The following GRM1 variants were observed in gnomAD, a reference collection of about 807,000 sequenced individuals.
The protein encoded by GRM1 is metabotropic glutamate receptor 1.
A neutral mutation model predicts 90.9 loss-of-function variants in GRM1; 33 were observed. The ratio of observed to expected loss-of-function variants is 0.36; its 90% CI spans 0.28 to 0.49. The LOEUF (loss-of-function observed/expected upper bound fraction) is 0.49, where lower values mean the gene tolerates loss of function less well. GRM1 is among the 20% of genes least tolerant of loss of function. The probability of loss-of-function intolerance (pLI) is 0.99; values close to 1 mark genes in which losing one functional copy is unlikely to be tolerated. For missense variants in GRM1, 1,190 were observed against 1,534.3 expected (o/e 0.78, Z 3.75); for synonymous variants, 700 against 613.2 (o/e 1.14, Z -2.09).
intron 2 of GRM1, among the ~76,000 whole-genome samples, chr6:146,208,257 T>A (rs2114637196): frequency 6.6e-6 from 1 of 152,332 alleles, no homozygotes; most frequent in African/African-American, 2.4e-5. Flanking sequence ...AGAAGGCTAA[T>A]GGCATAACAT....
intron 5 of GRM1, among the ~76,000 whole-genome samples, chr6:146,360,370 G>A (rs1214783259): frequency 6.6e-5 from 10 of 151,866 alleles, no homozygotes; most frequent in African/African-American, 2.4e-4. Context: ...AAAAATTTTT[G>A]TCATACCACA....
intron 3 of GRM1, among the ~76,000 whole-genome samples, chr6:146,315,116 C>T (rs1783921961): frequency 6.6e-6 from 1 of 152,108 alleles, no homozygotes; most frequent in African/African-American, 2.4e-5. Flanking sequence ...TGTCAAACTT[C>T]ACACCAATGA....
chr6:146,211,163 T>C (rs1779676195), intron 2 of GRM1, among the ~76,000 whole-genome samples: 1 of 152,038 alleles, frequency 6.6e-6, no homozygotes, highest in Non-Finnish European at 1.5e-5. Flanking sequence ...TGGTATAGTA[T>C]TTTTCAAAAT....
intron 7 of GRM1, among the ~76,000 whole-genome samples, chr6:146,424,173 A>G (rs1289393848): frequency 6.6e-6 from 1 of 152,228 alleles, no homozygotes; most frequent in Non-Finnish European, 1.5e-5. Context: ...AGAGACACCT[A>G]AGGTATCTGG....
At chr6:146,156,154 C>T (rs899944043) in intron 1 of GRM1, among the ~76,000 whole-genome samples, 2 of 152,098 alleles carry the variant, frequency 1.3e-5, no homozygotes, top group African/African-American at 4.8e-5. Flanking sequence ...GCCTGTAATC[C>T]CAGCACTTTG....
intron 2 of GRM1, among the ~76,000 whole-genome samples, chr6:146,259,463 G>C (rs1017763347): frequency 6.6e-6 from 1 of 152,040 alleles, no homozygotes; most frequent in African/African-American, 2.4e-5. Context: ...AACAACTCCT[G>C]TGCCCCGCTG....
At chr6:146,147,341 G>T (rs929314951) in intron 1 of GRM1, among the ~76,000 whole-genome samples, 1 of 152,178 alleles carries the variant, frequency 6.6e-6, no homozygotes, top group Admixed American at 6.5e-5. Context: ...GGCAAGTTAC[G>T]TAAGTTCTCT....
intron 2 of GRM1, among the ~76,000 whole-genome samples, chr6:146,246,678 A>G (rs561945675): frequency 6.6e-6 from 1 of 152,322 alleles, no homozygotes; most frequent in South Asian, 2.1e-4. Context: ...CAATAAAACA[A>G]TGCAGACTTT....
intron 6 of GRM1, among the ~76,000 whole-genome samples, chr6:146,389,537 C>T (rs1038372429): frequency 2.6e-5 from 4 of 152,152 alleles, no homozygotes; most frequent in East Asian, 3.9e-4. Context: ...ATGCTCATTT[C>T]CGTTGATTAG....
At chr6:146,123,954 G>C (rs1043943784) in intron 1 of GRM1, among the ~76,000 whole-genome samples, 4 of 152,112 alleles carry the variant, frequency 2.6e-5, no homozygotes, top group Non-Finnish European at 5.9e-5. Flanking sequence ...GAAAAACTCT[G>C]TTTCGAGTTT....
chr6:146,159,641 T>TCTCTCTCTCTCTCACACACACA (rs372590505), intron 2 of GRM1, 44 bp downstream of exon 2: 34 of 728,730 alleles, frequency 4.7e-5, no homozygotes, highest in Middle Eastern at 4.3e-4. Flanking sequence ...TCTCTCTCTC[T>TCTCTCTCTCTCTCACACACACA]CACACACACA....
intron 1 of GRM1, among the ~76,000 whole-genome samples, chr6:146,056,354 C>T (rs926904293): frequency 2.0e-5 from 3 of 152,006 alleles, no homozygotes; most frequent in Non-Finnish European, 4.4e-5. Flanking sequence ...GTTGCCAGGT[C>T]TCTTATTTAA....
rs1357127208 is a variant in GRM1 at position 146,284,453 on chromosome 6, T to C, written c.951-20158T>C. On this transcript the variant is annotated intron_variant, in intron 2 of 7. Coordinates refer to ENST00000282753, the MANE Select transcript of GRM1 (RefSeq NM_001278064.2). ...AATGAATGCTTCATTACATGAGTAA[T>C]GCAAAAAGAGGCTTTTAAGATTCAC... is the stretch of plus-strand genomic sequence containing the variant. Among the ~76,000 whole-genome samples the C allele has an allele frequency of 7.2e-5, 11 of 152,180 alleles. 1 individual carries two copies. Among genetic ancestry groups the C allele is most frequent in the Admixed American group, 7.2e-4 (11 of 15,278 alleles).
intron 1 of GRM1, among the ~76,000 whole-genome samples, chr6:146,104,476 C>T (rs1451203304): frequency 6.6e-6 from 1 of 151,870 alleles, no homozygotes; most frequent in Non-Finnish European, 1.5e-5. Flanking sequence ...GGAATGGTTG[C>T]CTAGTGACAA....
At chr6:146,044,977 C>T (rs1166626053) in intron 1 of GRM1, among the ~76,000 whole-genome samples, 2 of 151,884 alleles carry the variant, frequency 1.3e-5, no homozygotes, top group East Asian at 3.9e-4. Flanking sequence ...TGGGCCTGAG[C>T]GTCTGTCTCT....
chr6:146,218,786 G>T (rs1403211151), intron 2 of GRM1, among the ~76,000 whole-genome samples: 1 of 152,050 alleles, frequency 6.6e-6, no homozygotes, highest in Non-Finnish European at 1.5e-5. Flanking sequence ...GGCTCACTAG[G>T]TGCATTTAAT....
intron 1 of GRM1, among the ~76,000 whole-genome samples, chr6:146,062,956 G>A (rs1775725184): frequency 6.6e-6 from 1 of 152,020 alleles, no homozygotes; most frequent in Non-Finnish European, 1.5e-5. Context: ...TTATTTTTGT[G>A]CTATAAATGT....
chr6:146,092,530 T>C (rs1044172310), intron 1 of GRM1, among the ~76,000 whole-genome samples: 1 of 152,140 alleles, frequency 6.6e-6, no homozygotes, highest in Non-Finnish European at 1.5e-5. Context: ...CTTCCCTTCA[T>C]AGAACTGGTT....
At chr6:146,322,067 T>A (rs1220227380) in intron 3 of GRM1, among the ~76,000 whole-genome samples, 1 of 152,156 alleles carries the variant, frequency 6.6e-6, no homozygotes, top group African/African-American at 2.4e-5. Flanking sequence ...CTGGTGACCT[T>A]CGGATGTGGT....
Sources: allele counts gnomAD v4.1 joint callset (sites outside exome capture counted in the v4.1 genomes callset), GRCh38; gene constraint gnomAD v4.1.1; transcripts MANE v1.5; gene names NCBI Gene and HGNC (gene_info 2026-07-23, HGNC 2026-07-21).